TRPM5: variants seen among roughly 807,000 people sequenced by gnomAD.
TRPM5 encodes MLSN1 and TRP-related.
A neutral mutation model predicts 124.9 loss-of-function variants in TRPM5; 121 were observed. The ratio of observed to expected loss-of-function variants is 0.97; its 90% CI spans 0.84 to 1.13. The LOEUF is 1.13. TRPM5 is among the 50% of genes most tolerant of loss of function. TRPM5 has a pLI of 0.00. For missense variants in TRPM5, 1,643 were observed against 1,589.1 expected (o/e 1.03, Z -0.58); for synonymous variants, 781 against 700.5 (o/e 1.11, Z -1.81).
chr11:2,410,944 C>T (rs768170126), intron 18 of TRPM5, among the ~76,000 whole-genome samples: 18 of 152,154 alleles, frequency 1.2e-4, no homozygotes, highest in Non-Finnish European at 2.2e-4. Flanking sequence ...AGGGCCCAGA[C>T]CCCGGATGAT....
chr11:2,427,380 C>T (rs1845848157), upstream of TRPM5, among the ~76,000 whole-genome samples: 4 of 152,234 alleles, frequency 2.6e-5, no homozygotes, highest in Admixed American at 2.6e-4. Context: ...CGGGTGGAGC[C>T]GTCTGCCTAC....
intron 11 of TRPM5, among the ~76,000 whole-genome samples, chr11:2,414,459 G>A (rs1235608342): frequency 1.3e-5 from 2 of 152,178 alleles, no homozygotes; most frequent in Non-Finnish European, 2.9e-5. Context: ...CTCGTCCTGC[G>A]GCAGGGCCCA....
intron 6 of TRPM5, 140 bp from the exon 12 acceptor site, chr11:2,417,969 C>T (rs550309342): frequency 4.3e-5 from 43 of 1,000,698 alleles, no homozygotes; most frequent in African/African-American, 3.1e-4. Flanking sequence ...CCACCGGGCC[C>T]GGCCTGGGAC....
exon 24 of TRPM5, chr11:2,404,993 C>G (rs759052185): frequency 6.2e-7 from 1 of 1,612,852 alleles, no homozygotes; most frequent in Non-Finnish European, 8.5e-7. Flanking sequence ...TCTAAACCAC[C>G]TCTGTGGTCA....
At chr11:2,429,069 TGTG>T in the TRPM5 span, among the ~76,000 whole-genome samples, 8 of 138,576 alleles carry the variant, frequency 5.8e-5, no homozygotes, top group East Asian at 4.5e-4. The surrounding 1 kb of genome is among the most constrained non-coding windows in gnomAD (Gnocchi z 8.4). Flanking sequence ...TGATGATGGT[TGTG>T]GTGGTGGTGA....
At chr11:2,421,399 C>T (rs1008211232) in intron 2 of TRPM5, among the ~76,000 whole-genome samples, 1 of 152,232 alleles carries the variant, frequency 6.6e-6, no homozygotes, top group African/African-American at 2.4e-5. Flanking sequence ...AGCAGCAGAA[C>T]TGGCTGGGCC....
At chr11:2,412,341 A>ATCAGGGTTCAGCGTGCCATGGGGC in intron 15 of TRPM5, 88 bp from the exon 21 acceptor site, 2 of 1,035,982 alleles carry the variant, frequency 1.9e-6, no homozygotes, top group Non-Finnish European at 1.5e-6. Flanking sequence ...ATCTGTAAGG[A>ATCAGGGTTCAGCGTGCCATGGGGC]TCAGGGTTCC....
At chr11:2,408,189 C>G in intron 18 of TRPM5, among the ~76,000 whole-genome samples, 1 of 152,204 alleles carries the variant, frequency 6.6e-6, no homozygotes, top group East Asian at 1.9e-4. Context: ...CAGCCAAGAT[C>G]ACAGGCCCTG....
chr11:2,441,928 A>G, the TRPM5 span, among the ~76,000 whole-genome samples: 5 of 152,138 alleles, frequency 3.3e-5, no homozygotes, highest in Non-Finnish European at 5.9e-5. This position sits in a 1 kb window ranked among gnomAD's most constrained non-coding sequence, Gnocchi z 7.2. Context: ...ACCTCAAGCG[A>G]TCAGCCTGCC....
exon 23 of TRPM5, chr11:2,405,547 G>A (rs868052825): frequency 1.3e-6 from 2 of 1,564,782 alleles, no homozygotes; most frequent in South Asian, 1.2e-5. Flanking sequence ...GCCACCCTGG[G>A]CCAGCACGTC....
chr11:2,406,182 C>A (rs1589864698), intron 21 of TRPM5, 91 bp from the exon 27 acceptor site: 3 of 1,455,616 alleles, frequency 2.1e-6, no homozygotes, highest in Admixed American at 1.7e-5. Flanking sequence ...TCCCTGTGTG[C>A]CCGAGTTTGG....
the TRPM5 span, among the ~76,000 whole-genome samples, chr11:2,440,988 G>A: frequency 6.6e-6 from 1 of 152,340 alleles, no homozygotes; most frequent in South Asian, 2.1e-4. The surrounding 1 kb of genome is among the most constrained non-coding windows in gnomAD (Gnocchi z 5.2). Context: ...AGGAACATGA[G>A]GTGAGCCTGG....
intron 20 of TRPM5, 88 bp from the exon 26 acceptor site, chr11:2,406,881 A>G: frequency 6.6e-7 from 1 of 1,519,668 alleles, no homozygotes; most frequent in Non-Finnish European, 8.8e-7. Flanking sequence ...GAGGTGGGCC[A>G]GGCAGAAGGA....
chr11:2,409,424 G>A (rs1402438711), intron 18 of TRPM5, among the ~76,000 whole-genome samples: 2 of 152,170 alleles, frequency 1.3e-5, no homozygotes, highest in African/African-American at 2.4e-5. Context: ...TTGGGAAGGC[G>A]CCACCAGGCC....
intron 6 of TRPM5, 48 bp downstream of exon 11, chr11:2,418,119 C>T (rs1349927254): frequency 3.4e-6 from 5 of 1,460,616 alleles, no homozygotes; most frequent in Non-Finnish European, 4.6e-6. Context: ...GGACCAGCCC[C>T]ACCCCCGGAG....
At chr11:2,425,203 G>A (rs922598998), upstream of TRPM5, among the ~76,000 whole-genome samples, 1 of 152,074 alleles carries the variant, frequency 6.6e-6, no homozygotes, top group African/African-American at 2.4e-5. Context: ...CCACACTCTC[G>A]GGGGCTCAAA....
Position 2,405,458 on chromosome 11 carries a change from C to T in TRPM5, c.3391+69G>A, listed in dbSNP as rs574543597. The stretch of plus-strand genomic sequence containing the variant: ...AAGGCAGAGCACACAGCACAGCCTA[C>T]GGCCCCCCAGCCGCTGCAGAGTGGG... On this transcript the variant is annotated intron_variant, in intron 23 of 23. Coordinates refer to ENST00000155858, the Ensembl canonical transcript of TRPM5. 159 of 1,466,242 alleles carry T rather than the reference C, an allele frequency of 1.1e-4. No homozygotes were observed. The Admixed American group carries it at 1.1e-3, about 11-fold the overall frequency. The allele number at this position is 1,466,242 out of a possible 1,614,324, so 90.8% of individuals were successfully genotyped here.
At chr11:2,433,074 C>T in the TRPM5 span, among the ~76,000 whole-genome samples, 7 of 152,258 alleles carry the variant, frequency 4.6e-5, no homozygotes, top group South Asian at 4.1e-4. Context: ...GCGCCTGCAG[C>T]GTGCCACTGC....
chr11:2,412,414 G>A (rs1335087547), intron 15 of TRPM5, among the ~76,000 whole-genome samples, 161 bp from the exon 21 acceptor site: 3 of 152,222 alleles, frequency 2.0e-5, no homozygotes, highest in Non-Finnish European at 4.4e-5. Context: ...TTCCAGGGCT[G>A]TCTGGGGACA....
Sources: gnomAD v4.1 joint callset for allele counts (sites outside exome capture counted in the v4.1 genomes callset) on GRCh38, gnomAD v4.1.1 for gene constraint, Gnocchi (gnomAD v3.1) non-coding constraint, MANE v1.5 for transcripts, NCBI Gene and HGNC (gene_info 2026-07-23, HGNC 2026-07-21) for gene names.